Variants in LDLRAD4 observed in about 807,000 individuals in gnomAD.
LDLRAD4 encodes the protein low-density lipoprotein receptor class A domain-containing protein 4.
LDLRAD4 carries 5 observed loss-of-function variants against 17.0 expected under a neutral mutation model. That is an observed-to-expected ratio of 0.29 (90% CI 0.15 to 0.62). LDLRAD4 has a LOEUF of 0.62. Ranked by LOEUF, LDLRAD4 falls within the 20% of genes least tolerant of loss-of-function variation. The pLI is 0.84. For missense variants in LDLRAD4, 340 were observed against 424.7 expected, an observed-to-expected ratio of 0.80 and a Z score of 1.75; for synonymous variants, 168 against 171.8, an observed-to-expected ratio of 0.98 and a Z score of 0.17.
chr18:13,303,359 C>T (rs964260786), intron 1 of LDLRAD4, among the ~76,000 whole-genome samples: 1 of 152,206 alleles, frequency 6.6e-6, no homozygotes, highest in African/African-American at 2.4e-5. Flanking sequence ...AATCTTTCCT[C>T]CTCAGCCTCC....
intron 1 of LDLRAD4, among the ~76,000 whole-genome samples, chr18:13,288,757 C>T (rs1317930597): frequency 1.1e-4 from 3 of 26,828 alleles, no homozygotes; most frequent in Non-Finnish European, 2.7e-4. Flanking sequence ...AGGTGAGTCA[C>T]GGGCCACGGT....
intron 1 of LDLRAD4, among the ~76,000 whole-genome samples, chr18:13,313,545 G>C (rs1306268296): frequency 6.6e-6 from 1 of 151,946 alleles, no homozygotes; most frequent in Admixed American, 6.6e-5. Flanking sequence ...TTAAGCACTA[G>C]CCCACAACCC....
chr18:13,296,484 C>T (rs1229600792), intron 1 of LDLRAD4, among the ~76,000 whole-genome samples: 1 of 152,072 alleles, frequency 6.6e-6, no homozygotes, highest in Non-Finnish European at 1.5e-5. Flanking sequence ...CTCATGTGGC[C>T]TCTTCTCTGG....
intron 3 of LDLRAD4, among the ~76,000 whole-genome samples, chr18:13,606,084 A>G (rs1160067118): frequency 6.6e-6 from 1 of 152,144 alleles, no homozygotes; most frequent in Non-Finnish European, 1.5e-5. Context: ...TGAAGTAAGT[A>G]TTCTCAGCCT....
chr18:13,570,768 C>T (rs1199714059), intron 3 of LDLRAD4, among the ~76,000 whole-genome samples: 1 of 152,174 alleles, frequency 6.6e-6, no homozygotes, highest in East Asian at 1.9e-4. Flanking sequence ...CATTTCTTTT[C>T]TCTTTTTCGT....
intron 2 of LDLRAD4, among the ~76,000 whole-genome samples, chr18:13,393,509 G>T (rs974451577): frequency 6.6e-6 from 1 of 152,170 alleles, no homozygotes; most frequent in Non-Finnish European, 1.5e-5. Flanking sequence ...GCTCCCGTGT[G>T]CCTGTCCCAC....
At chr18:13,301,806 C>T (rs1360108430) in intron 1 of LDLRAD4, among the ~76,000 whole-genome samples, 1 of 152,200 alleles carries the variant, frequency 6.6e-6, no homozygotes, top group Admixed American at 6.5e-5. Context: ...ACCAGGCGTC[C>T]TCTGTCCCCT....
chr18:13,400,000 A>G (rs1473463538), intron 2 of LDLRAD4, among the ~76,000 whole-genome samples: 1 of 152,254 alleles, frequency 6.6e-6, no homozygotes, highest in Non-Finnish European at 1.5e-5. Flanking sequence ...TGAGCAGTTT[A>G]GACTCCATAT....
intron 1 of LDLRAD4, among the ~76,000 whole-genome samples, chr18:13,328,339 T>C (rs903466706): frequency 2.0e-5 from 3 of 152,222 alleles, no homozygotes; most frequent in Admixed American, 2.0e-4. Context: ...CATGTGCCTG[T>C]TTCTCCTTTC....
At chr18:13,640,218 G>A (rs1257181309) in intron 4 of LDLRAD4, among the ~76,000 whole-genome samples, 12 of 151,192 alleles carry the variant, frequency 7.9e-5, no homozygotes, top group Admixed American at 7.2e-4. Context: ...GCGTGAACCC[G>A]GGAGGCGGAG....
intron 3 of LDLRAD4, chr18:13,543,335 C>G (rs1273157207): frequency 1.3e-5 from 2 of 152,230 alleles, no homozygotes; most frequent in African/African-American, 4.8e-5. Context: ...CCACGGCATG[C>G]ACCCACACAT....
At chr18:13,269,118 G>A (rs1216206673) in intron 1 of LDLRAD4, among the ~76,000 whole-genome samples, 2 of 152,342 alleles carry the variant, frequency 1.3e-5, no homozygotes, top group Admixed American at 1.3e-4. Flanking sequence ...CCACAAGAAT[G>A]AGGAAAGGCT....
intron 1 of LDLRAD4, among the ~76,000 whole-genome samples, chr18:13,294,738 C>T (rs1048219531): frequency 6.6e-6 from 1 of 151,716 alleles, no homozygotes; most frequent in African/African-American, 2.4e-5. Flanking sequence ...TAGGAAAATT[C>T]CGGTTGCAGA....
intron 4 of LDLRAD4, among the ~76,000 whole-genome samples, chr18:13,630,820 T>C (rs1220407492): frequency 4.6e-5 from 7 of 152,258 alleles, no homozygotes; most frequent in Admixed American, 2.6e-4. Context: ...AAACAATACT[T>C]ACAGTGTGCT....
chr18:13,358,814 A>G (rs1599655971), intron 1 of LDLRAD4, among the ~76,000 whole-genome samples: 3 of 152,350 alleles, frequency 2.0e-5, no homozygotes, highest in South Asian at 4.1e-4. Context: ...ATTATTAAAA[A>G]TCATAATTCA....
rs368819337 is a variant in LDLRAD4 at position 13,453,372 on chromosome 18, A to G, written c.181+14988A>G. Among the ~76,000 whole-genome samples, 76 of 152,242 alleles carry G rather than the reference A, an allele frequency of 5.0e-4. 1 individual carries two copies. The highest frequency in any genetic ancestry group is 1.7e-3 in the African/African-American group (72 of 41,532). On this transcript the variant is annotated intron_variant, in intron 3 of 5. Coordinates refer to ENST00000359446, the Ensembl canonical transcript of LDLRAD4. ...AAACTTGTTTGTGTCATACATGACA[A>G]TGGATTTGTGCACTTTTTGTATCAC...
intron 3 of LDLRAD4, among the ~76,000 whole-genome samples, chr18:13,548,091 G>T (rs964254193): frequency 6.6e-6 from 1 of 152,158 alleles, no homozygotes; most frequent in Non-Finnish European, 1.5e-5. Flanking sequence ...GACAAATGCA[G>T]CTCTCAGCAG....
chr18:13,276,224 G>T (rs1389263627), upstream of LDLRAD4, among the ~76,000 whole-genome samples: 1 of 152,032 alleles, frequency 6.6e-6, no homozygotes, highest in Admixed American at 6.6e-5. Context: ...TGGCCAGGCT[G>T]GTCTTGAATT....
intron 1 of LDLRAD4, among the ~76,000 whole-genome samples, chr18:13,361,427 T>C (rs1016672818): frequency 3.9e-5 from 6 of 152,206 alleles, no homozygotes; most frequent in African/African-American, 1.4e-4. Context: ...TCTTTCCTTA[T>C]ACTATAAGCA....
Sources: allele counts gnomAD v4.1 joint callset (sites outside exome capture counted in the v4.1 genomes callset), GRCh38; gene constraint gnomAD v4.1.1; transcripts MANE v1.5; gene names NCBI Gene and HGNC (gene_info 2026-07-23, HGNC 2026-07-21).